IQCK: variants seen among roughly 807,000 people sequenced by gnomAD.
IQCK encodes the protein IQ motif containing K, also known as IQ domain-containing protein K.
IQCK carries 29 observed loss-of-function variants against 28.1 expected under a neutral mutation model. The observed-to-expected ratio is 1.03, with a 90% confidence interval of 0.77 to 1.41. The LOEUF is 1.41. IQCK is among the 40% of genes most tolerant of loss of function. The pLI is 0.00. For missense variants in IQCK, 359 were observed against 314.7 expected (o/e 1.14, Z -1.07); for synonymous variants, 113 against 115.1 (o/e 0.98, Z 0.12).
chr16:19,719,369 G>T (rs1016860739), intron 1 of IQCK, among the ~76,000 whole-genome samples: 3 of 151,850 alleles, frequency 2.0e-5, no homozygotes, highest in African/African-American at 7.3e-5. Context: ...CATTCGTGTG[G>T]CCACCATCAC....
intron 4 of IQCK, among the ~76,000 whole-genome samples, chr16:19,749,314 A>G (rs184546807): frequency 6.6e-6 from 1 of 152,202 alleles, no homozygotes; most frequent in Non-Finnish European, 1.5e-5. Flanking sequence ...ACGCCTTCCA[A>G]CTACACAGGT....
At chr16:19,836,445 A>G (rs2056298800) in intron 9 of IQCK, among the ~76,000 whole-genome samples, 1 of 152,196 alleles carries the variant, frequency 6.6e-6, no homozygotes. Context: ...ATGCCTGAAG[A>G]TCCCTACTGT....
chr16:19,749,626 C>T (rs1460816081), intron 4 of IQCK, among the ~76,000 whole-genome samples: 2 of 152,036 alleles, frequency 1.3e-5, no homozygotes, highest in African/African-American at 4.8e-5. Context: ...ATTTGCTGGG[C>T]ACCATGGTGT....
rs1008339112 is a variant in IQCK, at chr16:19,849,605, TA to T, written c.803-6874del. ...AGTGAGATCCCATCTCTACAAAAAG[TA>T]AAAAAAATATTCGGGCATGGTGGTG... On this transcript the variant is annotated intron_variant, in intron 9 of 9. Transcript: ENST00000320394. Among the ~76,000 whole-genome samples, 3 of 150,526 alleles carry T rather than the reference TA, an allele frequency of 2.0e-5. No individual in the cohort carries two copies. In the East Asian group the frequency reaches 5.9e-4, roughly 29 times the overall value.
chr16:19,728,375 A>G (rs1268281150), intron 1 of IQCK, among the ~76,000 whole-genome samples: 7 of 152,084 alleles, frequency 4.6e-5, no homozygotes, highest in African/African-American at 1.7e-4. Flanking sequence ...CAGCCTCTCA[A>G]GTTGCTGGGG....
chr16:19,722,273 C>T (rs898622103), intron 1 of IQCK, among the ~76,000 whole-genome samples: 1 of 152,160 alleles, frequency 6.6e-6, no homozygotes, highest in African/African-American at 2.4e-5. Flanking sequence ...CTGCTAACAT[C>T]CATCTGTACA....
Position 19,825,140 on chromosome 16 carries a change from G to C in IQCK, c.691-1886G>C, listed in dbSNP as rs1316893942. 6.6e-6 allele frequency among the ~76,000 whole-genome samples: 1 copy of C among 152,076 alleles called. No individual in the cohort carries two copies. The highest frequency in any genetic ancestry group is 1.9e-4 in the East Asian group (1 of 5,194). On this transcript the variant is annotated intron_variant, in intron 7 of 7. Transcript: ENST00000564186. The surrounding 1 kb of genome is among the most constrained non-coding windows in gnomAD (Gnocchi z 4.2). Reference sequence around the variant, plus strand: ...ATTCCAGCTCCACCATATCCAGTACGACTTGGCAAGCCACTAAAACTCAGT... The same window carrying C: ...ATTCCAGCTCCACCATATCCAGTACCACTTGGCAAGCCACTAAAACTCAGT...
chr16:19,726,618 A>T (rs1977663424), intron 1 of IQCK, among the ~76,000 whole-genome samples: 1 of 152,248 alleles, frequency 6.6e-6, no homozygotes, highest in African/African-American at 2.4e-5. Context: ...TGTATGTAGC[A>T]ACATTGAAAG....
At chr16:19,765,177 G>A (rs1246620548) in intron 6 of IQCK, among the ~76,000 whole-genome samples, 5 of 144,742 alleles carry the variant, frequency 3.5e-5, no homozygotes, top group African/African-American at 1.3e-4. Flanking sequence ...AGCCCAGATG[G>A]CTCCACTGCA....
At chr16:19,736,984 C>CAAAAAAA (rs55687544) in intron 4 of IQCK, among the ~76,000 whole-genome samples, 3 of 67,038 alleles carry the variant, frequency 4.5e-5, no homozygotes, top group African/African-American at 1.2e-4. Context: ...CCGGTATTTA[C>CAAAAAAA]AAAAAAAAAA....
downstream of IQCK, among the ~76,000 whole-genome samples, chr16:19,831,961 C>T (rs2141098755): frequency 6.6e-6 from 1 of 152,154 alleles, no homozygotes; most frequent in South Asian, 2.1e-4. Context: ...CTCTATCCAT[C>T]AGGACAGATG....
intron 4 of IQCK, 113 bp from the exon 5 acceptor site, chr16:19,763,735 A>G (rs1302308769): frequency 3.7e-6 from 3 of 816,844 alleles, no homozygotes; most frequent in African/African-American, 1.7e-5. Context: ...GAGCCACCAC[A>G]CCCAGCCAGT....
exon 1 of IQCK, chr16:19,718,414 C>T (rs758376725): frequency 5.6e-6 from 9 of 1,606,008 alleles, no homozygotes; most frequent in South Asian, 2.2e-5. Flanking sequence ...CTCTCGCGTC[C>T]CGCGAGCTGC....
chr16:19,813,418 A>G (rs1188535298), intron 7 of IQCK, among the ~76,000 whole-genome samples: 1 of 150,702 alleles, frequency 6.6e-6, no homozygotes, highest in African/African-American at 2.5e-5. Flanking sequence ...CCAGCAAGCT[A>G]TCTTAAAGGA....
At chr16:19,841,660 G>A (rs944098901) in intron 9 of IQCK, among the ~76,000 whole-genome samples, 3 of 152,144 alleles carry the variant, frequency 2.0e-5, no homozygotes, top group Admixed American at 2.0e-4. Flanking sequence ...ATTCTTACTG[G>A]CTATGTGACC....
At chr16:19,738,332 G>T (rs1245501508) in intron 4 of IQCK, among the ~76,000 whole-genome samples, 1 of 152,206 alleles carries the variant, frequency 6.6e-6, no homozygotes, top group Non-Finnish European at 1.5e-5. Context: ...CTGGAGGGGT[G>T]AGGAAAGAAG....
chr16:19,761,258 A>G (rs1456527425), intron 4 of IQCK: 1 of 399,466 alleles, frequency 2.5e-6, no homozygotes, highest in Non-Finnish European at 5.0e-6. Context: ...CGAAGGGGTT[A>G]TACTTCACCA....
At chr16:19,746,573 T>C (rs1223756386) in intron 4 of IQCK, among the ~76,000 whole-genome samples, 1 of 152,222 alleles carries the variant, frequency 6.6e-6, no homozygotes, top group African/African-American at 2.4e-5. Flanking sequence ...GAAAATCTTA[T>C]TATAACTTTA....
intron 1 of IQCK, among the ~76,000 whole-genome samples, chr16:19,727,041 G>T (rs926536720): frequency 6.6e-6 from 1 of 151,444 alleles, no homozygotes; most frequent in African/African-American, 2.4e-5. Context: ...TGAGGCAAGA[G>T]AATTGCTTGA....
Sources: allele counts gnomAD v4.1 joint callset (sites outside exome capture counted in the v4.1 genomes callset), GRCh38; gene constraint gnomAD v4.1.1; non-coding constraint Gnocchi (gnomAD v3.1); transcripts MANE v1.5; gene names NCBI Gene and HGNC (gene_info 2026-07-23, HGNC 2026-07-21).